SPATA31H1: variants seen among roughly 807,000 people sequenced by gnomAD.
SPATA31H1 encodes spermatogenesis-associated protein 31H1.
chr2:27,577,824 G>C, the SPATA31H1 span: 2 of 1,614,000 alleles, frequency 1.2e-6, no homozygotes, highest in African/African-American at 2.7e-5. The surrounding 1 kb of genome is among the most constrained non-coding windows in gnomAD (Gnocchi z 4.5). Flanking sequence ...GGAATCTTTA[G>C]AGGTGCCCCT....
the SPATA31H1 span, chr2:27,574,531 G>C: frequency 2.3e-5 from 9 of 398,428 alleles, no homozygotes; most frequent in South Asian, 1.3e-4. Flanking sequence ...TTCAGTTCTG[G>C]ACAACACTTT....
the SPATA31H1 span, chr2:27,577,412 C>T: frequency 1.1e-4 from 178 of 1,613,992 alleles, 1 homozygote; most frequent in South Asian, 1.0e-3. This position sits in a 1 kb window ranked among gnomAD's most constrained non-coding sequence, Gnocchi z 4.5. Context: ...TGGGGTTGAC[C>T]GCTGAGGCAA....
chr2:27,576,692 A>T, the SPATA31H1 span: 1 of 1,614,088 alleles, frequency 6.2e-7, no homozygotes, highest in Non-Finnish European at 8.5e-7. Flanking sequence ...TCCCATCAGG[A>T]CCACTGTTGA....
the SPATA31H1 span, chr2:27,578,847 C>G: frequency 4.3e-6 from 7 of 1,614,030 alleles, no homozygotes; most frequent in Non-Finnish European, 5.9e-6. Flanking sequence ...TTCTGGGATA[C>G]AGGAAGTATC....
At chr2:27,571,816 G>T in the SPATA31H1 span, 6 of 398,350 alleles carry the variant, frequency 1.5e-5, no homozygotes, top group Non-Finnish European at 2.2e-5. Flanking sequence ...TTGACCCCAT[G>T]GCAAAAGAGG....
At chr2:27,572,825 T>G in the SPATA31H1 span, 1 of 397,602 alleles carries the variant, frequency 2.5e-6, no homozygotes, top group Non-Finnish European at 4.4e-6. Context: ...GGCCAAAACT[T>G]CAAAGTGTAA....
At chr2:27,556,476 C>T in the SPATA31H1 span, among the ~76,000 whole-genome samples, 1 of 151,484 alleles carries the variant, frequency 6.6e-6, no homozygotes, top group Non-Finnish European at 1.5e-5. Flanking sequence ...TCCCATATAC[C>T]TATTGGCTCT....
the SPATA31H1 span, chr2:27,571,682 G>A: frequency 2.5e-6 from 1 of 398,500 alleles, no homozygotes; most frequent in Non-Finnish European, 4.4e-6. Context: ...CTGAAGAACT[G>A]ACCTCAGTCC....
chr2:27,545,811 C>T, the SPATA31H1 span, among the ~76,000 whole-genome samples: 1 of 151,794 alleles, frequency 6.6e-6, no homozygotes, highest in Admixed American at 6.6e-5. Context: ...GATCTGCCCC[C>T]CTCGGTCTCC....
At chr2:27,555,587 T>C in the SPATA31H1 span, among the ~76,000 whole-genome samples, 518 of 151,626 alleles carry the variant, frequency 3.4e-3, 2 homozygotes, top group Non-Finnish European at 6.2e-3. Context: ...GACAGGATGA[T>C]TGCTTGAGCC....
At chr2:27,560,675 T>G in the SPATA31H1 span, among the ~76,000 whole-genome samples, 1 of 152,144 alleles carries the variant, frequency 6.6e-6, no homozygotes, top group African/African-American at 2.4e-5. Context: ...GCCAGGATGG[T>G]CTCGATCTCC....
the SPATA31H1 span, chr2:27,579,797 C>T: frequency 6.2e-7 from 1 of 1,614,148 alleles, no homozygotes; most frequent in South Asian, 1.1e-5. Flanking sequence ...TTTCCCAGGC[C>T]AAGACTGACT....
chr2:27,578,473 T>A, the SPATA31H1 span: 1 of 1,614,140 alleles, frequency 6.2e-7, no homozygotes, highest in Non-Finnish European at 8.5e-7. Flanking sequence ...TGTGTGGATT[T>A]ACTTCCAAGG....
At chr2:27,558,928 G>GGGGAGT in the SPATA31H1 span, among the ~76,000 whole-genome samples, 1 of 55,624 alleles carries the variant, frequency 1.8e-5, no homozygotes, top group Non-Finnish European at 3.4e-5. Context: ...GGAGGGGGAG[G>GGGGAGT]GAGAGGGAGA....
At chr2:27,560,884 C>G in the SPATA31H1 span, among the ~76,000 whole-genome samples, 1 of 152,132 alleles carries the variant, frequency 6.6e-6, no homozygotes, top group African/African-American at 2.4e-5. Context: ...GCCAAATATA[C>G]AAAAGTTAGT....
chr2:27,540,291 C>G, the SPATA31H1 span, among the ~76,000 whole-genome samples: 11 of 126,586 alleles, frequency 8.7e-5, no homozygotes, highest in Non-Finnish European at 6.8e-5. Flanking sequence ...ACCTCCCTCC[C>G]GGACGGGGCG....
the SPATA31H1 span, chr2:27,575,761 G>A: frequency 5.0e-6 from 2 of 398,346 alleles, no homozygotes; most frequent in Non-Finnish European, 8.9e-6. The surrounding 1 kb of genome is among the most constrained non-coding windows in gnomAD (Gnocchi z 4.1). Context: ...AGTTCTAATG[G>A]GTGCATCCCT....
chr2:27,573,183 T>G, the SPATA31H1 span: 1 of 398,184 alleles, frequency 2.5e-6, no homozygotes, highest in East Asian at 3.6e-5. Flanking sequence ...ACCTGTGGAG[T>G]TTAACTTTGG....
the SPATA31H1 span, chr2:27,581,352 T>A: frequency 6.2e-7 from 1 of 1,612,958 alleles, no homozygotes; most frequent in South Asian, 1.1e-5. Context: ...CTGCAGTCCC[T>A]CTAGGAAAAA....
Sources: gnomAD v4.1 joint callset for allele counts (sites outside exome capture counted in the v4.1 genomes callset) on GRCh38, gnomAD v4.1.1 for gene constraint, Gnocchi (gnomAD v3.1) non-coding constraint, MANE v1.5 for transcripts, NCBI Gene and HGNC (gene_info 2026-07-23, HGNC 2026-07-21) for gene names.